GMDS: variants seen among roughly 807,000 people sequenced by gnomAD.
GMDS encodes GDP-mannose 4,6 dehydratase.
GMDS carries 20 observed loss-of-function variants against 49.9 expected under a neutral mutation model. The observed-to-expected ratio is 0.40, with a 90% confidence interval of 0.28 to 0.58. The LOEUF (loss-of-function observed/expected upper bound fraction) is 0.58. GMDS is among the 20% of genes least tolerant of loss of function. The pLI is 0.42. For missense variants in GMDS, 362 were observed against 481.4 expected, an observed-to-expected ratio of 0.75 and a Z score of 2.32; for synonymous variants, 177 against 178.6, an observed-to-expected ratio of 0.99 and a Z score of 0.07.
intron 4 of GMDS, among the ~76,000 whole-genome samples, chr6:2,063,284 T>C (rs1771301325): frequency 6.6e-6 from 1 of 152,266 alleles, no homozygotes; most frequent in Non-Finnish European, 1.5e-5. Context: ...CTGGTACTTC[T>C]GGTACTGAAG....
At chr6:2,040,981 A>G (rs1330081906) in intron 4 of GMDS, among the ~76,000 whole-genome samples, 1 of 152,218 alleles carries the variant, frequency 6.6e-6, no homozygotes, top group Non-Finnish European at 1.5e-5. Flanking sequence ...ATAAACGTCT[A>G]CACTTTTCTT....
chr6:2,074,837 G>T (rs959515988), intron 4 of GMDS, among the ~76,000 whole-genome samples: 15 of 151,974 alleles, frequency 9.9e-5, no homozygotes, highest in African/African-American at 3.4e-4. Flanking sequence ...GAGAAAGTCA[G>T]GTCCAGTTTC....
At chr6:1,670,067 G>A (rs1240550284) in intron 9 of GMDS, among the ~76,000 whole-genome samples, 1 of 152,074 alleles carries the variant, frequency 6.6e-6, no homozygotes, top group South Asian at 2.1e-4. Context: ...AACGAGGGGA[G>A]ATCTTGCACA....
At chr6:1,945,988 G>A (rs924955137) in intron 6 of GMDS, among the ~76,000 whole-genome samples, 3 of 152,142 alleles carry the variant, frequency 2.0e-5, no homozygotes, top group African/African-American at 7.2e-5. Flanking sequence ...TGAGTTACAA[G>A]ACAGCTTAAC....
chr6:1,840,951 G>A (rs1012713218), intron 7 of GMDS, among the ~76,000 whole-genome samples: 12 of 152,132 alleles, frequency 7.9e-5, no homozygotes, highest in Non-Finnish European at 7.3e-5. Flanking sequence ...CACTGTACAC[G>A]TAATGCAAGT....
At chr6:2,244,668 G>A (rs904103279) in intron 1 of GMDS, among the ~76,000 whole-genome samples, 5 of 152,144 alleles carry the variant, frequency 3.3e-5, no homozygotes, top group African/African-American at 1.2e-4. Flanking sequence ...GGAACTAGCC[G>A]CACTTTTGGA....
Position 1,742,496 on chromosome 6 carries a change from A to C in GMDS, c.862T>G (p.Ser288Ala). The C allele has an allele frequency of 6.2e-7, 1 of 1,607,168 alleles. No individual in the cohort carries two copies. Among genetic ancestry groups the C allele is most frequent in the Non-Finnish European group, 8.5e-7 (1 of 1,173,776 alleles). ...VHSVREFVEKSFLHIGKTIVW... is the reference protein window; with the variant it reads ...VHSVREFVEKAFLHIGKTIVW... ...ATGGTTTTTCCAATGTGCAAGAATG[A>C]TTTCTCGACAAATTCCCGGACACTA... The change falls in exon 8 of 11, where the codon TCA becomes GCA. Residue 288 changes from serine to alanine, a missense_variant. Coordinates refer to ENST00000380815, the MANE Select transcript of GMDS (RefSeq NM_001500.4).
In GMDS at chr6:2,092,016, C is replaced by T. The variant is rs116698991; in HGVS notation, c.345+23755G>A. 1.8e-3 allele frequency among the ~76,000 whole-genome samples: 272 copies of T among 152,228 alleles called. 2 individuals carry two copies. Among genetic ancestry groups the T allele is most frequent in the African/African-American group, 5.9e-3 (246 of 41,546 alleles). On this transcript the variant is annotated intron_variant, in intron 4 of 10. Transcript: ENST00000380815. ...GCCAGGACTCAGGGAAGAGTGGATT[C>T]ATGGGAACAACCCTTTCTAAATATT...
rs554164388 is a variant in GMDS, at chr6:1,985,559, A to C, written c.346-24593T>G. Among the ~76,000 whole-genome samples the C allele has an allele frequency of 2.6e-5, 4 of 152,368 alleles. No individual in the cohort carries two copies. In the South Asian group the frequency reaches 8.3e-4, roughly 32 times the overall value. On this transcript the variant is annotated intron_variant, in intron 4 of 10. Transcript: ENST00000380815. ...AATATATCTTAAACCAAGAAAAAAAATCAGCTAAAAACAAGAAAGCATTTT... is the reference window on the plus strand; with the variant it reads ...AATATATCTTAAACCAAGAAAAAAACTCAGCTAAAAACAAGAAAGCATTTT...
At chr6:1,826,554 A>G (rs1298366461) in intron 7 of GMDS, among the ~76,000 whole-genome samples, 2 of 152,238 alleles carry the variant, frequency 1.3e-5, no homozygotes, top group Non-Finnish European at 2.9e-5. Flanking sequence ...TCCTTTCTGC[A>G]GATATTGTCA....
chr6:1,872,315 A>C (rs954060174), intron 7 of GMDS, among the ~76,000 whole-genome samples: 2 of 152,258 alleles, frequency 1.3e-5, no homozygotes, highest in Admixed American at 6.5e-5. Flanking sequence ...AGAATAATTC[A>C]GTACTTATAA....
At chr6:1,644,643 C>T (rs754415830) in intron 9 of GMDS, among the ~76,000 whole-genome samples, 2 of 152,224 alleles carry the variant, frequency 1.3e-5, no homozygotes, top group African/African-American at 4.8e-5. Flanking sequence ...CTAATCCCTG[C>T]TGCCCGCCCA....
At chr6:1,921,882 A>T (rs1761732074) in intron 7 of GMDS, among the ~76,000 whole-genome samples, 1 of 152,240 alleles carries the variant, frequency 6.6e-6, no homozygotes, top group Non-Finnish European at 1.5e-5. Context: ...GAAGGCTAGA[A>T]GATTTTTTCC....
intron 7 of GMDS, among the ~76,000 whole-genome samples, chr6:1,834,680 A>G (rs1308551190): frequency 6.6e-6 from 1 of 152,236 alleles, no homozygotes; most frequent in East Asian, 1.9e-4. Context: ...TTAAACTTAT[A>G]TAAACTATAA....
chr6:2,199,994 T>C (rs988885326), intron 1 of GMDS, among the ~76,000 whole-genome samples: 4 of 152,210 alleles, frequency 2.6e-5, no homozygotes, highest in African/African-American at 9.6e-5. Flanking sequence ...CATTACAGGA[T>C]TGTATGTTAT....
At chr6:1,709,025 C>T (rs920012410) in intron 9 of GMDS, among the ~76,000 whole-genome samples, 1 of 152,170 alleles carries the variant, frequency 6.6e-6, no homozygotes, top group African/African-American at 2.4e-5. Context: ...TCTGATGTCC[C>T]CTGATTGCCG....
chr6:1,674,312 T>C (rs149109901), intron 9 of GMDS, among the ~76,000 whole-genome samples: 1,728 of 152,302 alleles, frequency 0.011, 12 homozygotes, highest in Non-Finnish European at 0.017. Flanking sequence ...TTGCCATCTG[T>C]ATATCTTCTT....
intron 9 of GMDS, among the ~76,000 whole-genome samples, chr6:1,656,700 G>T (rs62390654): frequency 0.023 from 3,455 of 151,906 alleles, 50 homozygotes; most frequent in Non-Finnish European, 0.035. Context: ...GGAGGTAAAG[G>T]TTGCAGTGAG....
intron 6 of GMDS, among the ~76,000 whole-genome samples, chr6:1,957,659 T>C (rs936482303): frequency 3.9e-5 from 6 of 152,188 alleles, no homozygotes; most frequent in African/African-American, 1.4e-4. Context: ...ACCCTCTTTG[T>C]ATGTTTAAAG....
Sources: gnomAD v4.1 joint callset for allele counts (sites outside exome capture counted in the v4.1 genomes callset) on GRCh38, gnomAD v4.1.1 for gene constraint, MANE v1.5 for transcripts, NCBI Gene and HGNC (gene_info 2026-07-23, HGNC 2026-07-21) for gene names.